Variants in MYO18A observed in about 807,000 individuals in gnomAD.
The protein encoded by MYO18A is unconventional myosin-XVIIIa.
Under a neutral mutation model 235.8 loss-of-function variants are expected in MYO18A, and 78 were observed. The ratio of observed to expected loss-of-function variants is 0.33; its 90% CI spans 0.28 to 0.40. The LOEUF (loss-of-function observed/expected upper bound fraction) is 0.40. Among genes scored for constraint, MYO18A ranks in the 10% least tolerant of loss-of-function variants. The pLI, the probability that MYO18A is intolerant of heterozygous loss-of-function variation, is 1.00. For synonymous variants in MYO18A, 977 were observed against 1,077.8 expected (o/e 0.91, Z 1.83); for missense variants, 2,215 against 2,699.3 (o/e 0.82, Z 3.98).
At chr17:29,085,480 AGGCGGGAGTG>A in intron 40 of MYO18A, 114 bp downstream of exon 40, 1 of 808,164 alleles carries the variant, frequency 1.2e-6, no homozygotes, top group East Asian at 2.7e-5. Context: ...GAGACCAGTG[AGGCGGGAGTG>A]TGGGGAGGCT....
chr17:29,131,509 G>C (rs780446721), intron 2 of MYO18A: 15 of 852,824 alleles, frequency 1.8e-5, no homozygotes, highest in Non-Finnish European at 2.1e-5. Flanking sequence ...AAAGCACAGG[G>C]AGAGAACATT....
intron 2 of MYO18A, chr17:29,155,304 G>A: frequency 6.6e-6 from 1 of 152,416 alleles, no homozygotes. Flanking sequence ...ATCCACATCT[G>A]GCCTTTCCTA....
intron 2 of MYO18A, among the ~76,000 whole-genome samples, chr17:29,161,507 CAAAAAAAAA>C (rs34979528): frequency 3.4e-5 from 4 of 118,364 alleles, no homozygotes; most frequent in African/African-American, 1.2e-4. Flanking sequence ...GACCCTGTCT[CAAAAAAAAA>C]AAAAAAAGAA....
chr17:29,104,174 G>A (rs968848606), intron 20 of MYO18A, among the ~76,000 whole-genome samples: 2 of 152,198 alleles, frequency 1.3e-5, no homozygotes, highest in African/African-American at 4.8e-5. Flanking sequence ...CCCCTGAAGG[G>A]TTCTCTTAGG....
In MYO18A at chr17:29,166,577, CTGCCCGCTG is replaced by C; in HGVS notation, c.355_363del (p.Gln119_Ala121del). 5.6e-6 allele frequency: 9 copies of C among 1,613,834 alleles called. No individual in the cohort carries two copies. The highest frequency in any genetic ancestry group is 6.8e-6 in the Non-Finnish European group (8 of 1,179,878). On this transcript the variant is annotated inframe_deletion, in exon 2 of 42. Transcript: ENST00000527372. ...TGCTTGGCCAGTGAGCCGAACTTGG[CTGCCCGCTG>C]CAGCACCGAGCCACGGAAGCTACCC...
intron 31 of MYO18A, among the ~76,000 whole-genome samples, chr17:29,093,761 A>G (rs1171307292): frequency 6.6e-6 from 1 of 152,116 alleles, no homozygotes; most frequent in Admixed American, 6.5e-5. Context: ...TGCCCCTGGC[A>G]CAGAAAGCAG....
At chr17:29,122,005 T>C (rs1323333268) in intron 3 of MYO18A, 48 bp from the exon 4 acceptor site, 2 of 1,593,202 alleles carry the variant, frequency 1.3e-6, no homozygotes, top group Admixed American at 1.7e-5. Context: ...AAGCCTCTGC[T>C]ACTCCACTTG....
intron 2 of MYO18A, among the ~76,000 whole-genome samples, chr17:29,123,906 G>C (rs551687519): frequency 2.0e-5 from 3 of 152,224 alleles, no homozygotes; most frequent in South Asian, 4.1e-4. Flanking sequence ...AAATTAGCTG[G>C]GCATGGTGGC....
rs776414017 is a variant in MYO18A, at chr17:29,118,467, C to T, written c.1830-27G>A. On this transcript the variant is annotated intron_variant, in intron 8 of 41. Transcript: ENST00000527372. This position sits in a 1 kb window ranked among gnomAD's most constrained non-coding sequence, Gnocchi z 4.2. ...TAGGGGTACAAATAAGGCATCAGCA[C>T]GGCACTTGGTCCCCATGCCAAGGCC... 21 of 1,581,972 alleles carry T rather than the reference C, an allele frequency of 1.3e-5. No individual in the cohort carries two copies. Among genetic ancestry groups the T allele is most frequent in the East Asian group, 2.3e-5 (1 of 44,024 alleles).
Position 29,115,439 on chromosome 17 carries a change from G to A in MYO18A, c.2230C>T (p.Pro744Ser). 1.2e-6 allele frequency: 2 copies of A among 1,613,370 alleles called. No homozygotes were observed. Among genetic ancestry groups the A allele is most frequent in the South Asian group, 1.1e-5 (1 of 90,974 alleles). ...EESGLGDGTG[P>S]KLSALECLEG... ...AGGCACTCCAGTGCACTCAGTTTCGGGCCTGTGGGGCAGGGGGAGCAGCGC... is the reference window on the plus strand; with the variant it reads ...AGGCACTCCAGTGCACTCAGTTTCGAGCCTGTGGGGCAGGGGGAGCAGCGC... Residue 744 changes from proline (P) to serine (S), a missense_variant and splice_region_variant, in exon 13 of 42, where the codon CCG (proline) becomes TCG (serine). Physicochemically the swap from Pro to Ser is moderately conservative, Grantham distance 74 (BLOSUM62 -1). Coordinates refer to ENST00000527372, the MANE Select transcript of MYO18A (RefSeq NM_078471.4).
At chr17:29,093,212 CA>C in intron 32 of MYO18A, 110 bp downstream of exon 32, 1 of 1,113,280 alleles carries the variant, frequency 9.0e-7, no homozygotes, top group Non-Finnish European at 1.3e-6. Context: ...CTCTTTGCAG[CA>C]CCCCCACCCC....
intron 2 of MYO18A, among the ~76,000 whole-genome samples, chr17:29,127,578 C>G (rs911686010): frequency 2.6e-5 from 4 of 152,256 alleles, no homozygotes; most frequent in African/African-American, 9.6e-5. Context: ...CGCCATGTAG[C>G]TGGGGACCAG....
chr17:29,097,320 G>C lies in MYO18A; in HGVS notation c.4133C>G (p.Ala1378Gly). 1.2e-6 allele frequency: 2 copies of C among 1,609,658 alleles called. No individual in the cohort carries two copies. The highest frequency in any genetic ancestry group is 1.7e-6 in the Non-Finnish European group (2 of 1,179,832). ...CTTGGTGAAGTCCACCTCCCGCACA[G>C]CCCGCTCATACTTCAGCCGCCACTC... ...GGEWRLKYER[A>G]VREVDFTKKR... The change falls in exon 27 of 42, where the codon GCT becomes GGT. Residue 1378 changes from alanine to glycine, a missense_variant. Coordinates refer to ENST00000527372, the MANE Select transcript of MYO18A (RefSeq NM_078471.4).
rs973996878 is a variant in MYO18A at position 29,117,212 on chromosome 17, A to G, written c.2039-757T>C. ...GAGGTGCTCGAATCGCCATCCTCCA[A>G]CGTAAGTCATCTTGAAGGATGGAGC... On this transcript the variant is annotated intron_variant, in intron 10 of 41. Coordinates refer to ENST00000527372, the MANE Select transcript of MYO18A (RefSeq NM_078471.4). The surrounding 1 kb of genome is among the most constrained non-coding windows in gnomAD (Gnocchi z 4.6). 7.2e-5 allele frequency among the ~76,000 whole-genome samples: 11 copies of G among 152,114 alleles called. No individual in the cohort carries two copies. Among genetic ancestry groups the G allele is most frequent in the Non-Finnish European group, 1.3e-4 (9 of 68,008 alleles).
intron 19 of MYO18A, among the ~76,000 whole-genome samples, chr17:29,108,435 T>C (rs1197207989): frequency 6.6e-6 from 1 of 152,054 alleles, no homozygotes; most frequent in African/African-American, 2.4e-5. Flanking sequence ...TCCCACAAAA[T>C]CACAGAATTT....
chr17:29,159,580 G>C (rs909460888), intron 2 of MYO18A, among the ~76,000 whole-genome samples: 1 of 152,202 alleles, frequency 6.6e-6, no homozygotes, highest in Admixed American at 6.5e-5. Context: ...AAGCATTGTA[G>C]AACACTGAGC....
Position 29,120,694 on chromosome 17 carries a change from A to G in MYO18A, c.1650T>C (p.Asn550=). ...TCTGGGAGAAGCGGGTGGCATTGCCATTAATGATGGTGGGGCTGTTCCCAA... is the reference window on the plus strand; with the variant it reads ...TCTGGGAGAAGCGGGTGGCATTGCCGTTAATGATGGTGGGGCTGTTCCCAA... ...EAFGNSPTII[N]GNATRFSQIL... The change falls in exon 7 of 42, where the codon AAT becomes AAC. Residue 550 remains asparagine (N), a synonymous_variant. Coordinates refer to ENST00000527372, the MANE Select transcript of MYO18A (RefSeq NM_078471.4). This position sits in a 1 kb window ranked among gnomAD's most constrained non-coding sequence, Gnocchi z 4.2. 6.2e-7 allele frequency: 1 copy of G among 1,613,998 alleles called. No homozygotes were observed. The highest frequency in any genetic ancestry group is 8.5e-7 in the Non-Finnish European group (1 of 1,179,878).
At chr17:29,087,171 A>G in intron 37 of MYO18A, 50 bp from the exon 38 acceptor site, 1 of 1,563,332 alleles carries the variant, frequency 6.4e-7, no homozygotes, top group Non-Finnish European at 8.7e-7. Context: ...CCCATCAGCC[A>G]GGCAGAGGGA....
At chr17:29,160,781 C>G (rs977710950) in intron 2 of MYO18A, among the ~76,000 whole-genome samples, 2 of 152,198 alleles carry the variant, frequency 1.3e-5, no homozygotes, top group Admixed American at 1.3e-4. Context: ...TGACTAGAAA[C>G]TCCACCCCAC....
Sources: gnomAD v4.1 joint callset for allele counts (sites outside exome capture counted in the v4.1 genomes callset) on GRCh38, gnomAD v4.1.1 for gene constraint, Gnocchi (gnomAD v3.1) non-coding constraint, MANE v1.5 for transcripts, NCBI Gene and HGNC (gene_info 2026-07-23, HGNC 2026-07-21) for gene names.